Variants in TRIM13 observed in about 807,000 individuals in gnomAD.
The protein encoded by TRIM13 is E3 ubiquitin-protein ligase TRIM13.
In TRIM13, 15 loss-of-function variants were observed where a neutral mutation model predicts 27.1. The ratio of observed to expected loss-of-function variants is 0.55; its 90% CI spans 0.37 to 0.85. The LOEUF is 0.85. Ranked by LOEUF, TRIM13 falls within the 40% of genes least tolerant of loss-of-function variation. The probability of loss-of-function intolerance (pLI) is 0.00; values close to 1 mark genes in which losing one functional copy is unlikely to be tolerated. For synonymous variants in TRIM13, 193 were observed against 171.5 expected, an observed-to-expected ratio of 1.13 and a Z score of -0.98; for missense variants, 402 against 472.2, an observed-to-expected ratio of 0.85 and a Z score of 1.38.
At chr13:50,003,867 A>G (rs1459008919) in intron 1 of TRIM13, among the ~76,000 whole-genome samples, 5 of 152,244 alleles carry the variant, frequency 3.3e-5, no homozygotes, top group African/African-American at 9.6e-5. Flanking sequence ...GAAAACATCA[A>G]TATGGCAGGA....
intron 1 of TRIM13, among the ~76,000 whole-genome samples, chr13:50,000,063 C>A (rs7999257): frequency 0.053 from 8,120 of 152,182 alleles, 345 homozygotes; most frequent in African/African-American, 0.12. Flanking sequence ...TACCCCATAA[C>A]TTTTATTACC....
At chr13:49,998,241 C>A (rs555169808) in intron 1 of TRIM13, among the ~76,000 whole-genome samples, 77 of 152,292 alleles carry the variant, frequency 5.1e-4, no homozygotes, top group African/African-American at 1.7e-3. Flanking sequence ...CCTAAAAATA[C>A]GTTTTTTTTC....
Position 50,016,100 on chromosome 13 carries a change from G to A in TRIM13, c.*2936G>A. On this transcript the variant is annotated 3_prime_UTR_variant, in exon 2 of 2. Transcript: ENST00000378182. Reference sequence around the variant, plus strand: ...TTTTGTACTTTGCAGTATTTCTCTTGTATACCAGTTTGTGATGTTTTCTCT... The same window carrying A: ...TTTTGTACTTTGCAGTATTTCTCTTATATACCAGTTTGTGATGTTTTCTCT... The A allele has an allele frequency of 1.3e-6, 2 of 1,509,940 alleles. No individual in the cohort carries two copies. The highest frequency in any genetic ancestry group is 1.4e-5 in the African/African-American group (1 of 72,702). The allele number at this position is 1,509,940 out of a possible 1,614,324, so 93.5% of individuals were successfully genotyped here.
At position 50,015,097 on chromosome 13, in the gene TRIM13, ATATATATATATAT is replaced by A. The variant is rs1876324374; in HGVS notation, c.*1934_*1946del. The A allele has an allele frequency of 1.8e-3, 6 of 3,418 alleles. No individual in the cohort carries two copies. The highest frequency in any genetic ancestry group is 3.8e-3 in the African/African-American group (6 of 1,580). The allele number at this position is 3,418 out of a possible 1,614,324, so 0.2% of individuals were successfully genotyped here. ...TAATAAAAAAAAAAAAAAAAAAAAT[ATATATATATATAT>A]ATATATATATATATATATATATATA... On this transcript the variant is annotated 3_prime_UTR_variant, in exon 2 of 2. Transcript: ENST00000378182.
chr13:50,012,999 CTT>C lies in TRIM13; in HGVS notation c.1060_1061del (p.Phe354GlnfsTer6). 2 of 1,613,926 alleles carry C rather than the reference CTT, an allele frequency of 1.2e-6. No individual in the cohort carries two copies. Among genetic ancestry groups the C allele is most frequent in the Non-Finnish European group, 1.7e-6 (2 of 1,179,946 alleles). ...CAACTTGGAAAGGCTGTCTTTCAAACTTCAGTTCCTATCTGACTAAAACAGCC... is the reference window on the plus strand; with the variant it reads ...CAACTTGGAAAGGCTGTCTTTCAAACCAGTTCCTATCTGACTAAAACAGCC... ...LATWKGCLSN[F>X]SSYLTKTADF... is the part of the protein sequence containing the mutation. On this transcript the variant is annotated frameshift_variant, in exon 2 of 2. Transcript: ENST00000378182. LOFTEE classifies it high-confidence loss of function.
chr13:50,015,088 AAAAAAAATATATATATATATATATAT>A lies in TRIM13; in HGVS notation c.*1926_*1951del, dbSNP rs1311371534. On this transcript the variant is annotated 3_prime_UTR_variant, in exon 2 of 2. Transcript: ENST00000378182. ...CCCTCCCAGTAATAAAAAAAAAAAA[AAAAAAAATATATATATATATATATAT>A]ATATATATATATATATATATATATA... The A allele has an allele frequency of 9.9e-4, 49 of 49,262 alleles. 2 individuals carry two copies. Among genetic ancestry groups the A allele is most frequent in the South Asian group, 1.8e-3 (2 of 1,100 alleles). The allele number at this position is 49,262 out of a possible 1,614,324, so 3.1% of individuals were successfully genotyped here.
rs1388455341 is a variant in TRIM13, at chr13:50,017,592, G to A, written c.*4428G>A. 6.0e-6 allele frequency: 1 copy of A among 166,868 alleles called. No homozygotes were observed. Among genetic ancestry groups the A allele is most frequent in the African/African-American group, 2.4e-5 (1 of 41,432 alleles). The allele number at this position is 166,868 out of a possible 1,614,324, so 10.3% of individuals were successfully genotyped here. A position where few individuals can be genotyped will look rare whatever the true frequency, so the allele number is the denominator to read the frequency against. ...TAGCATTTTCTTGCATCACCAAATG[G>A]TATTCAATTGTTTGAAGCTCAAAAT... On this transcript the variant is annotated 3_prime_UTR_variant, in exon 2 of 2. Transcript: ENST00000378182.
rs1255722688 is a variant in TRIM13 at position 50,015,908 on chromosome 13, A to G, written c.*2744A>G. ...CAAAACAATTGAGATGCTAACAGGG[A>G]GGATTACAGTGTTTACAGAACAACC... is the stretch of plus-strand genomic sequence containing the variant. On this transcript the variant is annotated 3_prime_UTR_variant, in exon 2 of 2. Transcript: ENST00000378182. 1.9e-6 allele frequency: 3 copies of G among 1,613,976 alleles called. No homozygotes were observed. The African/African-American group carries it at 4.0e-5, about 22-fold the overall frequency.
In TRIM13 at chr13:50,012,549, C is replaced by T. The variant is rs1402592352; in HGVS notation, c.609C>T (p.Asp203=). 3 of 1,614,104 alleles carry T rather than the reference C, an allele frequency of 1.9e-6. No individual in the cohort carries two copies. In the African/African-American group the frequency reaches 4.0e-5, roughly 22 times the overall value. The change falls in exon 2 of 2, where the codon GAC becomes GAT. Residue 203 remains aspartate (D), a synonymous_variant. Coordinates refer to ENST00000378182, the MANE Select transcript of TRIM13 (RefSeq NM_213590.3). ...LDQKKNEILS[D]FETMKLAVMQ... is the part of the protein sequence containing the mutation. ...AAAAGAAGAATGAAATTCTGTCTGA[C>T]TTTGAGACCATGAAACTTGCTGTTA...
intron 1 of TRIM13, among the ~76,000 whole-genome samples, chr13:50,008,000 G>T (rs1436738190): frequency 6.6e-6 from 1 of 151,634 alleles, no homozygotes; most frequent in Admixed American, 6.6e-5. Context: ...TGCCTCCTGG[G>T]GTCACACCAT....
At position 50,015,560 on chromosome 13, in the gene TRIM13, A is replaced by T. The variant is rs1392499025; in HGVS notation, c.*2396A>T. On this transcript the variant is annotated 3_prime_UTR_variant, in exon 2 of 2. Coordinates refer to ENST00000378182, the MANE Select transcript of TRIM13 (RefSeq NM_213590.3). ...GATATTCACGACAAGGTTTTCTACG[A>T]TAAAGCAGTTTCCTGCTTCTCGTTT... The T allele has an allele frequency of 6.2e-7, 1 of 1,614,014 alleles. No individual in the cohort carries two copies. The highest frequency in any genetic ancestry group is 1.7e-5 in the Admixed American group (1 of 60,002).
Position 50,015,929 on chromosome 13 carries a change from C to A in TRIM13, c.*2765C>A, listed in dbSNP as rs1457073478. 4.3e-6 allele frequency: 7 copies of A among 1,613,976 alleles called. No homozygotes were observed. The East Asian group carries it at 1.3e-4, about 31-fold the overall frequency. ...AGGGAGGATTACAGTGTTTACAGAA[C>A]AACCTTCAGCGCCGACCTGGAATGG... On this transcript the variant is annotated 3_prime_UTR_variant, in exon 2 of 2. Transcript: ENST00000378182.
chr13:50,015,402 T>G lies in TRIM13; in HGVS notation c.*2238T>G. On this transcript the variant is annotated 3_prime_UTR_variant, in exon 2 of 2. Transcript: ENST00000378182. ...TTTGTTATTCTTCCCTCCCCTCCAC[T>G]GCATAATCATGTATAACTAGCAACA... The G allele has an allele frequency of 1.1e-6, 1 of 928,752 alleles. No individual in the cohort carries two copies. Among genetic ancestry groups the G allele is most frequent in the East Asian group, 2.4e-5 (1 of 41,458 alleles). The allele number at this position is 928,752 out of a possible 1,614,324, so 57.5% of individuals were successfully genotyped here.
chr13:50,000,210 A>G (rs1873852461), intron 1 of TRIM13, among the ~76,000 whole-genome samples: 3 of 152,186 alleles, frequency 2.0e-5, no homozygotes, highest in South Asian at 2.1e-4. Context: ...CTATAAAACT[A>G]TGGTTTTATT....
Position 50,015,090 on chromosome 13 carries a change from AAAAAATATATATATATATATAT to A in TRIM13, c.*1928_*1949del, listed in dbSNP as rs1475409330. On this transcript the variant is annotated 3_prime_UTR_variant, in exon 2 of 2. Transcript: ENST00000378182. ...CTCCCAGTAATAAAAAAAAAAAAAAAAAAAATATATATATATATATATATATATATATATATATATATATATA... is the reference window on the plus strand; with the variant it reads ...CTCCCAGTAATAAAAAAAAAAAAAAAATATATATATATATATATATATATA... 2.3e-4 allele frequency: 9 copies of A among 39,086 alleles called. No individual in the cohort carries two copies. Among genetic ancestry groups the A allele is most frequent in the African/African-American group, 6.3e-4 (6 of 9,484 alleles). The allele number at this position is 39,086 out of a possible 1,614,324, so 2.4% of individuals were successfully genotyped here.
At position 50,015,281 on chromosome 13, in the gene TRIM13, T is replaced by G; in HGVS notation, c.*2117T>G. 2.2e-6 allele frequency: 1 copy of G among 456,492 alleles called. No homozygotes were observed. The highest frequency in any genetic ancestry group is 3.5e-5 in the East Asian group (1 of 28,696). 28.3% of individuals were successfully genotyped at this position (456,492 alleles called of 1,614,324 possible). On this transcript the variant is annotated 3_prime_UTR_variant, in exon 2 of 2. Transcript: ENST00000378182. Reference sequence around the variant, plus strand: ...TTCCTCATCTGTTGCTTTTTCATTTTGTATACTGCAAGTTCCCAGGCAACT... The same window carrying G: ...TTCCTCATCTGTTGCTTTTTCATTTGGTATACTGCAAGTTCCCAGGCAACT...
In TRIM13 at chr13:50,016,123, T is replaced by A; in HGVS notation, c.*2959T>A. On this transcript the variant is annotated 3_prime_UTR_variant, in exon 2 of 2. Coordinates refer to ENST00000378182, the MANE Select transcript of TRIM13 (RefSeq NM_213590.3). ...TTGTATACCAGTTTGTGATGTTTTC[T>A]CTAAAAACTTGAAGTTCCTCAGGCC... The A allele has an allele frequency of 2.2e-6, 3 of 1,371,866 alleles. No homozygotes were observed. Among genetic ancestry groups the A allele is most frequent in the Middle Eastern group, 1.9e-4 (1 of 5,268 alleles). 85.0% of individuals were successfully genotyped at this position (1,371,866 alleles called of 1,614,324 possible).
In TRIM13 at chr13:50,018,382, A is replaced by C. The variant is rs1262127332; in HGVS notation, c.*5218A>C. ...CAAATGTTTTTAGACTGTACAGTCA[A>C]GATCTGGCGCTTGGGGGTAAGTGGA... On this transcript the variant is annotated 3_prime_UTR_variant, in exon 2 of 2. Coordinates refer to ENST00000378182, the MANE Select transcript of TRIM13 (RefSeq NM_213590.3). 1 of 166,522 alleles carries C rather than the reference A, an allele frequency of 6.0e-6. No homozygotes were observed. The highest frequency in any genetic ancestry group is 1.5e-5 in the Non-Finnish European group (1 of 68,120). The allele number at this position is 166,522 out of a possible 1,614,324, so 10.3% of individuals were successfully genotyped here.
At chr13:49,997,784 T>A (rs1423631240) in intron 1 of TRIM13, 21 bp downstream of exon 1, 2 of 84,394 alleles carry the variant, frequency 2.4e-5, no homozygotes, top group Non-Finnish European at 2.3e-5. Flanking sequence ...ATAATTTTCC[T>A]GTGTTATCTT....
Sources: allele counts gnomAD v4.1 joint callset (sites outside exome capture counted in the v4.1 genomes callset), GRCh38; gene constraint gnomAD v4.1.1; transcripts MANE v1.5; gene names NCBI Gene and HGNC (gene_info 2026-07-23, HGNC 2026-07-21).